Variants in RPS6KC1 observed in about 807,000 individuals in gnomAD.
The protein encoded by RPS6KC1 is inactive ribosomal protein S6 kinase delta-1.
In RPS6KC1, 54 loss-of-function variants were observed where a neutral mutation model predicts 103.8. The observed-to-expected ratio is 0.52, with a 90% CI of 0.42 to 0.65. RPS6KC1 has a LOEUF of 0.65. Among genes scored for constraint, RPS6KC1 ranks in the 30% least tolerant of loss-of-function variants. RPS6KC1 has a pLI of 0.00. For synonymous variants in RPS6KC1, 439 were observed against 438.7 expected (o/e 1.00, Z -0.01); for missense variants, 1,151 against 1,253.8 (o/e 0.92, Z 1.24).
the RPS6KC1 span, among the ~76,000 whole-genome samples, chr1:213,573,413 G>C: frequency 6.6e-6 from 1 of 152,170 alleles, no homozygotes; most frequent in South Asian, 2.1e-4. Flanking sequence ...CAGCTTGGTT[G>C]GGACTCTCAT....
At chr1:213,751,215 A>T in the RPS6KC1 span, among the ~76,000 whole-genome samples, 1 of 152,172 alleles carries the variant, frequency 6.6e-6, no homozygotes, top group South Asian at 2.1e-4. Flanking sequence ...CACTAGAGAG[A>T]TGATAAAATC....
intron 8 of RPS6KC1, among the ~76,000 whole-genome samples, chr1:213,181,906 G>A (rs2092289397): frequency 6.6e-6 from 1 of 152,156 alleles, no homozygotes; most frequent in African/African-American, 2.4e-5. Context: ...AAAGAACATT[G>A]GAGAGGGTAA....
intron 12 of RPS6KC1, among the ~76,000 whole-genome samples, chr1:213,248,157 A>G (rs977205468): frequency 1.3e-5 from 2 of 152,140 alleles, no homozygotes; most frequent in Non-Finnish European, 1.5e-5. Flanking sequence ...ATAAATATAG[A>G]TGTATATTTC....
At chr1:213,486,773 G>A in the RPS6KC1 span, among the ~76,000 whole-genome samples, 4 of 152,102 alleles carry the variant, frequency 2.6e-5, no homozygotes, top group African/African-American at 9.7e-5. Flanking sequence ...ATGGGCCCGT[G>A]GGCTGGGAAT....
chr1:213,519,396 GA>G, the RPS6KC1 span, among the ~76,000 whole-genome samples: 55 of 152,296 alleles, frequency 3.6e-4, no homozygotes, highest in African/African-American at 1.3e-3. Flanking sequence ...ACGTTTTGCA[GA>G]AAAGAAAGAG....
At chr1:213,646,664 T>C in the RPS6KC1 span, among the ~76,000 whole-genome samples, 7 of 151,712 alleles carry the variant, frequency 4.6e-5, no homozygotes, top group African/African-American at 1.7e-4. Flanking sequence ...CAGTAATTAA[T>C]TGACCCATGC....
the RPS6KC1 span, among the ~76,000 whole-genome samples, chr1:213,483,193 T>C: frequency 6.6e-6 from 1 of 152,162 alleles, no homozygotes; most frequent in Non-Finnish European, 1.5e-5. Flanking sequence ...AAGCCCCTTA[T>C]GAAACCATCA....
chr1:213,767,011 T>C, the RPS6KC1 span, among the ~76,000 whole-genome samples: 1 of 152,172 alleles, frequency 6.6e-6, no homozygotes, highest in South Asian at 2.1e-4. Flanking sequence ...GTTCCATTGA[T>C]CCTTGCTTTG....
At chr1:213,349,265 T>C in the RPS6KC1 span, among the ~76,000 whole-genome samples, 1 of 152,206 alleles carries the variant, frequency 6.6e-6, no homozygotes, top group Non-Finnish European at 1.5e-5. Flanking sequence ...AAAATATTAT[T>C]GACATTTCAA....
At chr1:213,679,978 C>CTT in the RPS6KC1 span, among the ~76,000 whole-genome samples, 1 of 152,172 alleles carries the variant, frequency 6.6e-6, no homozygotes, top group Non-Finnish European at 1.5e-5. Flanking sequence ...AATAATTACA[C>CTT]ATTATAGAAA....
chr1:213,363,654 CT>C, the RPS6KC1 span, among the ~76,000 whole-genome samples: 6 of 84,946 alleles, frequency 7.1e-5, no homozygotes, highest in African/African-American at 5.0e-4. Context: ...TTCTTTCTTT[CT>C]TTCTTTCTTT....
chr1:213,613,907 T>G, the RPS6KC1 span, among the ~76,000 whole-genome samples: 1 of 152,230 alleles, frequency 6.6e-6, no homozygotes, highest in Non-Finnish European at 1.5e-5. Context: ...CTTCACCAGA[T>G]GACAACAGGC....
chr1:213,860,408 A>AC, the RPS6KC1 span, among the ~76,000 whole-genome samples: 3 of 151,928 alleles, frequency 2.0e-5, no homozygotes, highest in East Asian at 1.9e-4. Context: ...AGAGAAACAA[A>AC]AAAAAAATAC....
the RPS6KC1 span, among the ~76,000 whole-genome samples, chr1:213,322,266 TGGGTGAC>T: frequency 6.6e-6 from 1 of 152,124 alleles, no homozygotes; most frequent in Non-Finnish European, 1.5e-5. Flanking sequence ...CACTCTAGCC[TGGGTGAC>T]AGAGTGAGGC....
rs2094372733 is a variant in RPS6KC1, at chr1:213,242,219, G to A, written c.2743G>A (p.Val915Ile). 1.2e-6 allele frequency: 2 copies of A among 1,613,886 alleles called. No homozygotes were observed. The highest frequency in any genetic ancestry group is 1.3e-5 in the African/African-American group (1 of 74,926). The change falls in exon 11 of 15, where the codon GTA becomes ATA. Residue 915 changes from valine (V) to isoleucine (I), a missense_variant. Val to Ile is a conservative substitution (Grantham distance 29, BLOSUM62 3). This residue lies in a region of RPS6KC1 where 189 missense variants were observed against 228.8 expected (regional missense o/e 0.83). Transcript: ENST00000366960. ...TCAAAGATGGGCAGCTGAAATGGTGGTAGCCCTTGATGCTTTACATAGAGA... is the reference window on the plus strand; with the variant it reads ...TCAAAGATGGGCAGCTGAAATGGTGATAGCCCTTGATGCTTTACATAGAGA... The part of the protein sequence containing the change: ...CIQRWAAEMV[V>I]ALDALHREGI...
At chr1:213,217,373 A>G (rs2093694568) in intron 8 of RPS6KC1, among the ~76,000 whole-genome samples, 1 of 152,210 alleles carries the variant, frequency 6.6e-6, no homozygotes, top group Non-Finnish European at 1.5e-5. Flanking sequence ...AATTGAGGCC[A>G]TAATTAATAG....
intron 8 of RPS6KC1, among the ~76,000 whole-genome samples, chr1:213,178,013 G>A (rs1323426334): frequency 6.6e-6 from 1 of 151,384 alleles, no homozygotes; most frequent in Non-Finnish European, 1.5e-5. Context: ...AGACTATCTG[G>A]GCAACATGGT....
chr1:213,435,962 T>G, the RPS6KC1 span, among the ~76,000 whole-genome samples: 1 of 152,116 alleles, frequency 6.6e-6, no homozygotes, highest in Admixed American at 6.6e-5. Flanking sequence ...GTTCTCTCCC[T>G]GCTGCACATC....
the RPS6KC1 span, among the ~76,000 whole-genome samples, chr1:213,814,839 G>A: frequency 2.6e-5 from 4 of 152,252 alleles, no homozygotes; most frequent in South Asian, 8.3e-4. Flanking sequence ...GGATCCAGGG[G>A]GTCCAGCTTC....
Sources: gnomAD v4.1 joint callset for allele counts (sites outside exome capture counted in the v4.1 genomes callset) on GRCh38, gnomAD v4.1.1 for gene constraint, gnomAD v4.1.1 regional missense constraint, MANE v1.5 for transcripts, NCBI Gene and HGNC (gene_info 2026-07-23, HGNC 2026-07-21) for gene names.